CACNA1B: variants seen among roughly 807,000 people sequenced by gnomAD.
CACNA1B encodes calcium voltage-gated channel subunit alpha1 B.
A neutral mutation model predicts 247.2 loss-of-function variants in CACNA1B; 70 were observed. The ratio of observed to expected loss-of-function variants is 0.28; its 90% CI spans 0.23 to 0.35. CACNA1B has a LOEUF of 0.35. CACNA1B is among the 10% of genes least tolerant of loss of function. The probability of loss-of-function intolerance (pLI) is 1.00; values close to 1 mark genes in which losing one functional copy is unlikely to be tolerated. For missense variants in CACNA1B, 2,367 were observed against 3,197.4 expected (o/e 0.74, Z 6.26); for synonymous variants, 1,231 against 1,294.4 (o/e 0.95, Z 1.05).
At chr9:138,085,986 C>G (rs1176109914) in intron 36 of CACNA1B, among the ~76,000 whole-genome samples, 1 of 150,756 alleles carries the variant, frequency 6.6e-6, no homozygotes, top group Non-Finnish European at 1.5e-5. Flanking sequence ...GTGAGTTTCA[C>G]AAAAGAGAAA....
Position 138,058,118 on chromosome 9 carries a change from G to T in CACNA1B, c.4176G>T (p.Leu1392=). The change falls in exon 28 of 47, where the codon CTG becomes CTT. Residue 1392 remains leucine, a synonymous_variant. Transcript: ENST00000371372. The surrounding 1 kb of genome is among the most constrained non-coding windows in gnomAD (Gnocchi z 4.7). ...QGPSPGYRME[L]SIFYVVYFVV... ...CAAGCCCTGGGTACCGCATGGAGCT[G>T]TCCATCTTCTACGTGGTCTACTTTG... The T allele has an allele frequency of 6.2e-7, 1 of 1,613,940 alleles. No homozygotes were observed. Among genetic ancestry groups the T allele is most frequent in the Non-Finnish European group, 8.5e-7 (1 of 1,179,778 alleles).
At chr9:137,925,956 A>G (rs1157629546) in intron 6 of CACNA1B, among the ~76,000 whole-genome samples, 3 of 139,392 alleles carry the variant, frequency 2.2e-5, no homozygotes, top group Non-Finnish European at 4.6e-5. Context: ...GGATTTCGCC[A>G]TGTTGGCCAG....
chr9:137,977,886 G>A (rs914088416), intron 12 of CACNA1B, among the ~76,000 whole-genome samples: 1 of 151,742 alleles, frequency 6.6e-6, no homozygotes, highest in Admixed American at 6.6e-5. Context: ...CCCCAGGAAG[G>A]AGTAACAGGC....
chr9:137,976,761 C>T (rs1218515216), intron 12 of CACNA1B, among the ~76,000 whole-genome samples: 2 of 126,092 alleles, frequency 1.6e-5, no homozygotes, highest in Non-Finnish European at 3.3e-5. Flanking sequence ...CAGCTGAGCA[C>T]AGAGGGCAGG....
chr9:138,041,290 G>A (rs897678305), intron 20 of CACNA1B, among the ~76,000 whole-genome samples: 9 of 152,160 alleles, frequency 5.9e-5, no homozygotes, highest in Non-Finnish European at 1.5e-5. Flanking sequence ...TTCAGCCTCA[G>A]TTTCTTAATC....
intron 3 of CACNA1B, among the ~76,000 whole-genome samples, chr9:137,894,656 C>T (rs1447058705): frequency 6.6e-6 from 1 of 152,152 alleles, no homozygotes; most frequent in Admixed American, 6.5e-5. Flanking sequence ...GATCCGCCCA[C>T]CTCGGCCTCC....
chr9:137,971,872 C>T lies in CACNA1B; in HGVS notation c.1543+280C>T, dbSNP rs1473245364. 2.0e-5 allele frequency among the ~76,000 whole-genome samples: 3 copies of T among 152,078 alleles called. No individual in the cohort carries two copies. The highest frequency in any genetic ancestry group is 6.5e-5 in the Admixed American group (1 of 15,276). On this transcript the variant is annotated intron_variant, in intron 11 of 46. Coordinates refer to ENST00000371372, the MANE Select transcript of CACNA1B (RefSeq NM_000718.4). This position sits in a 1 kb window ranked among gnomAD's most constrained non-coding sequence, Gnocchi z 4.4. ...ATAGTGTGAGACTGGTTGAGGGGTC[C>T]GAGGCACCCAGGGCAGGATATATGT...
chr9:137,960,757 G>T (rs1958012207), intron 10 of CACNA1B, among the ~76,000 whole-genome samples: 1 of 152,048 alleles, frequency 6.6e-6, no homozygotes, highest in South Asian at 2.1e-4. Flanking sequence ...GGGACCCCAG[G>T]CCGCCCTGGT....
intron 36 of CACNA1B, among the ~76,000 whole-genome samples, chr9:138,092,813 A>G (rs914397274): frequency 3.3e-5 from 5 of 152,242 alleles, no homozygotes; most frequent in East Asian, 1.9e-4. Flanking sequence ...TGAAATCTTC[A>G]CAATTTATGT....
At chr9:137,926,071 T>TC (rs1367641578) in intron 6 of CACNA1B, among the ~76,000 whole-genome samples, 8 of 135,032 alleles carry the variant, frequency 5.9e-5, no homozygotes, top group Non-Finnish European at 9.6e-5. Context: ...TTCCTTTCTT[T>TC]TTTTTTTTTT....
At chr9:138,008,887 G>T (rs1958688231) in intron 16 of CACNA1B, among the ~76,000 whole-genome samples, 2 of 152,220 alleles carry the variant, frequency 1.3e-5, no homozygotes, top group Non-Finnish European at 2.9e-5. Context: ...CCGTCCCATA[G>T]AGGATTGCCC....
At chr9:138,087,138 C>G (rs1960717505) in intron 36 of CACNA1B, among the ~76,000 whole-genome samples, 1 of 150,936 alleles carries the variant, frequency 6.6e-6, no homozygotes, top group Non-Finnish European at 1.5e-5. Flanking sequence ...GTAATCCCAG[C>G]ACTTTGGGAG....
chr9:138,063,546 T>G lies in CACNA1B; in HGVS notation c.4668+3809T>G, dbSNP rs551187000. ...GATTAAGAGTACCTTTGGACCATGTTGTGACATAGGGTCAGACTGTGAATG... is the reference window on the plus strand; with the variant it reads ...GATTAAGAGTACCTTTGGACCATGTGGTGACATAGGGTCAGACTGTGAATG... On this transcript the variant is annotated intron_variant, in intron 31 of 46. Coordinates refer to ENST00000371372, the MANE Select transcript of CACNA1B (RefSeq NM_000718.4). Among the ~76,000 whole-genome samples the G allele has an allele frequency of 5.2e-4, 79 of 152,360 alleles. 1 individual carries two copies. Among genetic ancestry groups the G allele is most frequent in the African/African-American group, 1.9e-3 (79 of 41,584 alleles).
At chr9:138,112,759 G>A (rs1038721760) in intron 40 of CACNA1B, among the ~76,000 whole-genome samples, 4 of 152,266 alleles carry the variant, frequency 2.6e-5, no homozygotes, top group Non-Finnish European at 1.5e-5. Context: ...CCAGAGGAAA[G>A]GCAAGAGGGG....
intron 15 of CACNA1B, among the ~76,000 whole-genome samples, chr9:137,995,746 A>G (rs1340601105): frequency 4.6e-5 from 7 of 152,392 alleles, no homozygotes; most frequent in Non-Finnish European, 5.9e-5. Context: ...GACATCCCAC[A>G]AAGTGGGAGA....
chr9:138,120,909 G>T, intron 46 of CACNA1B, 28 bp downstream of exon 46: 1 of 1,539,492 alleles, frequency 6.5e-7, no homozygotes, highest in South Asian at 1.2e-5. Context: ...AGAGGTCAGG[G>T]CCCAGCTGCC....
Position 138,058,009 on chromosome 9 carries a change from T to C in CACNA1B, c.4107-40T>C. 1.9e-6 allele frequency: 3 copies of C among 1,590,060 alleles called. No individual in the cohort carries two copies. The highest frequency in any genetic ancestry group is 2.6e-6 in the Non-Finnish European group (3 of 1,158,112). On this transcript the variant is annotated intron_variant, in intron 27 of 46. Transcript: ENST00000371372. This position sits in a 1 kb window ranked among gnomAD's most constrained non-coding sequence, Gnocchi z 4.7. ...GTCTTGAGTTCTTAGGGCTGTCTCC[T>C]TTGGGGGTTCCCCTGACACTTGCTC...
intron 31 of CACNA1B, among the ~76,000 whole-genome samples, chr9:138,068,954 C>T (rs1306456364): frequency 6.6e-6 from 1 of 152,220 alleles, no homozygotes; most frequent in Admixed American, 6.5e-5. Context: ...CGAGGCCGGG[C>T]TGTTTGTGGT....
rs997036593 is a variant in CACNA1B, at chr9:138,120,097, C to A, written c.6031-68C>A. The A allele has an allele frequency of 1.0e-5, 14 of 1,362,416 alleles. No individual in the cohort carries two copies. The African/African-American group carries it at 1.7e-4, about 17-fold the overall frequency. The allele number at this position is 1,362,416 out of a possible 1,614,324, so 84.4% of individuals were successfully genotyped here. ...GCTGTCTGGCCTGCTCCACCACCCA[C>A]TTCCATGCCTGCATTCCCGCTGACC... On this transcript the variant is annotated intron_variant, in intron 44 of 46. Coordinates refer to ENST00000371372, the MANE Select transcript of CACNA1B (RefSeq NM_000718.4).
Sources: gnomAD v4.1 joint callset for allele counts (sites outside exome capture counted in the v4.1 genomes callset) on GRCh38, gnomAD v4.1.1 for gene constraint, Gnocchi (gnomAD v3.1) non-coding constraint, MANE v1.5 for transcripts, NCBI Gene and HGNC (gene_info 2026-07-23, HGNC 2026-07-21) for gene names.